KLRD1: variants seen among roughly 807,000 people sequenced by gnomAD.
The protein encoded by KLRD1 is killer cell lectin like receptor D1.
KLRD1 carries 21 observed loss-of-function variants against 22.6 expected under a neutral mutation model. The ratio of observed to expected loss-of-function variants is 0.93; its 90% CI spans 0.66 to 1.34. The LOEUF (loss-of-function observed/expected upper bound fraction) is 1.34. Ranked by LOEUF, KLRD1 falls within the 40% of genes most tolerant of loss-of-function variation. KLRD1 has a pLI of 0.00. For synonymous variants in KLRD1, 59 were observed against 71.1 expected (o/e 0.83, Z 0.85); for missense variants, 183 against 208.6 (o/e 0.88, Z 0.76).
At chr12:10,253,686 C>T (rs1949365596) in intron 1 of KLRD1, among the ~76,000 whole-genome samples, 1 of 152,104 alleles carries the variant, frequency 6.6e-6, no homozygotes, top group African/African-American at 2.4e-5. Flanking sequence ...TTTGTTTCTT[C>T]ATTAGTTTGC....
At chr12:10,251,050 C>T (rs12367621) in intron 1 of KLRD1, among the ~76,000 whole-genome samples, 27,436 of 152,108 alleles carry the variant, frequency 0.18, 3,291 homozygotes, top group Non-Finnish European at 0.27. Flanking sequence ...TATGTTGCCT[C>T]ACTAGCATTA....
rs76070966 is a variant in KLRD1, at chr12:10,260,361, A to T, written c.-101+34128A>T. ...TGTTTGTCTTTTTTTTTCAACAGTT[A>T]TATATGATACACCTAACTTGTCATT... On this transcript the variant is annotated intron_variant, in intron 1 of 5. Coordinates refer to the KLRD1 transcript ENST00000544747. Among the ~76,000 whole-genome samples, 198 of 151,866 alleles carry T rather than the reference A, an allele frequency of 1.3e-3. 5 individuals carry two copies. In the East Asian group the frequency reaches 0.035, roughly 27 times the overall value.
chr12:10,307,942 C>CT lies in KLRD1; in HGVS notation c.-135dup. The CT allele has an allele frequency of 1.3e-6, 1 of 761,348 alleles. No homozygotes were observed. The highest frequency in any genetic ancestry group is 2.3e-6 in the Non-Finnish European group (1 of 442,430). 47.2% of individuals were successfully genotyped at this position (761,348 alleles called of 1,614,324 possible). On this transcript the variant is annotated 5_prime_UTR_variant, in exon 1 of 6. It removes the in-frame stop codon of an upstream open reading frame in the 5' UTR. Transcript: ENST00000336164. ...ATTTAAATACACAATTTTTCATTCT[C>CT]TATTTTTGCTAAATTTCTTCATACT...
At chr12:10,283,215 G>GCACCACAGTGGCTGGTGCCTGC (rs1321745983) in intron 1 of KLRD1, among the ~76,000 whole-genome samples, 16 of 152,166 alleles carry the variant, frequency 1.1e-4, no homozygotes, top group Non-Finnish European at 2.4e-4. Flanking sequence ...ATGGGGACTG[G>GCACCACAGTGGCTGGTGCCTGC]CACCACAGTG....
intron 1 of KLRD1, among the ~76,000 whole-genome samples, chr12:10,261,950 T>C (rs1336190300): frequency 4.6e-5 from 7 of 152,146 alleles, no homozygotes; most frequent in Non-Finnish European, 1.0e-4. Context: ...TCCCTTTAGT[T>C]TCTGTGTCTA....
chr12:10,296,571 G>T (rs1286673364), intron 1 of KLRD1, among the ~76,000 whole-genome samples: 3 of 151,540 alleles, frequency 2.0e-5, no homozygotes, highest in Admixed American at 1.3e-4. Flanking sequence ...CAAAGGAAGT[G>T]CAAGGCAGAT....
At chr12:10,295,060 G>A (rs984164552) in intron 1 of KLRD1, among the ~76,000 whole-genome samples, 1 of 152,162 alleles carries the variant, frequency 6.6e-6, no homozygotes, top group African/African-American at 2.4e-5. Context: ...AGTTACAAGA[G>A]TGCTGCCTCT....
intron 1 of KLRD1, among the ~76,000 whole-genome samples, chr12:10,259,371 C>T (rs1031499666): frequency 1.3e-5 from 2 of 152,120 alleles, no homozygotes; most frequent in Non-Finnish European, 2.9e-5. Flanking sequence ...TTCTGAAAGT[C>T]ATAATATTCA....
intron 1 of KLRD1, among the ~76,000 whole-genome samples, chr12:10,246,918 CTT>C: frequency 3.2e-5 from 1 of 31,262 alleles, no homozygotes; most frequent in Non-Finnish European, 1.4e-4. Context: ...TTTTCTTTTT[CTT>C]TTCTTTTCTT....
intron 1 of KLRD1, among the ~76,000 whole-genome samples, chr12:10,292,493 G>C (rs1178554254): frequency 6.6e-6 from 1 of 152,160 alleles, no homozygotes; most frequent in Non-Finnish European, 1.5e-5. Context: ...CTTCATCAGA[G>C]CTCTTGGGTG....
Position 10,325,847 on chromosome 12 carries a change from T to A in KLRD1, c.*11054T>A, listed in dbSNP as rs1950356483. Reference sequence around the variant, plus strand: ...ATTACCCAGAAAGGGGATTGGTGGATCATATGGTAGTTCTATTTTTAATTT... The same window carrying A: ...ATTACCCAGAAAGGGGATTGGTGGAACATATGGTAGTTCTATTTTTAATTT... On this transcript the variant is annotated 3_prime_UTR_variant, in exon 6 of 6. Transcript: ENST00000336164. The A allele has an allele frequency of 6.6e-6, 1 of 152,224 alleles. No individual in the cohort carries two copies. Among genetic ancestry groups the A allele is most frequent in the African/African-American group, 2.4e-5 (1 of 41,464 alleles). The allele number at this position is 152,224 out of a possible 1,614,324, so 9.4% of individuals were successfully genotyped here. A position where few individuals can be genotyped will look rare whatever the true frequency, so the allele number is the denominator to read the frequency against.
chr12:10,251,985 G>A (rs1949350824), intron 1 of KLRD1, among the ~76,000 whole-genome samples: 1 of 152,108 alleles, frequency 6.6e-6, no homozygotes, highest in Non-Finnish European at 1.5e-5. Context: ...TGGGGCTTGG[G>A]GACCTCTGGT....
At chr12:10,280,336 T>C (rs1430451478) in intron 1 of KLRD1, among the ~76,000 whole-genome samples, 5 of 152,346 alleles carry the variant, frequency 3.3e-5, no homozygotes, top group Non-Finnish European at 7.3e-5. Context: ...AGAATAGAGA[T>C]GGACCGCTTC....
In KLRD1 at chr12:10,316,872, C is replaced by T. The variant is rs939180163; in HGVS notation, c.*2079C>T. On this transcript the variant is annotated 3_prime_UTR_variant, in exon 6 of 6. Transcript: ENST00000336164. ...AGGTGGTTTGCTGCACCTATTGACC[C>T]ATCATCTAGGTTTTAAGTCCCACAT... The T allele has an allele frequency of 2.0e-5, 3 of 152,018 alleles. No individual in the cohort carries two copies. The highest frequency in any genetic ancestry group is 4.4e-5 in the Non-Finnish European group (3 of 68,016). The allele number at this position is 152,018 out of a possible 1,614,324, so 9.4% of individuals were successfully genotyped here.
At chr12:10,269,732 T>C (rs981155362) in intron 1 of KLRD1, among the ~76,000 whole-genome samples, 36 of 152,306 alleles carry the variant, frequency 2.4e-4, no homozygotes, top group African/African-American at 8.4e-4. Flanking sequence ...TTGGGTTGTT[T>C]TTCTTTTTTT....
At chr12:10,265,331 C>T (rs1346475908) in intron 1 of KLRD1, among the ~76,000 whole-genome samples, 1 of 152,104 alleles carries the variant, frequency 6.6e-6, no homozygotes, top group African/African-American at 2.4e-5. Context: ...ACTTCATAAA[C>T]TTATCATGTG....
intron 1 of KLRD1, among the ~76,000 whole-genome samples, chr12:10,269,895 TCA>T (rs1316494811): frequency 1.3e-5 from 2 of 152,196 alleles, no homozygotes; most frequent in Non-Finnish European, 2.9e-5. Context: ...ATATGCAGAT[TCA>T]GTTTGATATC....
chr12:10,288,800 A>G (rs771257804), intron 1 of KLRD1, among the ~76,000 whole-genome samples: 1 of 152,218 alleles, frequency 6.6e-6, no homozygotes, highest in Non-Finnish European at 1.5e-5. Context: ...ATCCTTTATA[A>G]GACTCTTTTT....
At position 10,316,903 on chromosome 12, in the gene KLRD1, A is replaced by T. The variant is rs1246328588; in HGVS notation, c.*2110A>T. Reference sequence around the variant, plus strand: ...CTAGGTTTTAAGTCCCACATGCATTAGGTATTTGTCCTAATGCTCTTCCTC... The same window carrying T: ...CTAGGTTTTAAGTCCCACATGCATTTGGTATTTGTCCTAATGCTCTTCCTC... On this transcript the variant is annotated 3_prime_UTR_variant, in exon 6 of 6. Coordinates refer to ENST00000336164, the MANE Select transcript of KLRD1 (RefSeq NM_002262.5). The T allele has an allele frequency of 6.6e-6, 1 of 152,106 alleles. No homozygotes were observed. The highest frequency in any genetic ancestry group is 1.9e-4 in the East Asian group (1 of 5,200). The allele number at this position is 152,106 out of a possible 1,614,324, so 9.4% of individuals were successfully genotyped here.
Sources: gnomAD v4.1 joint callset for allele counts (sites outside exome capture counted in the v4.1 genomes callset) on GRCh38, gnomAD v4.1.1 for gene constraint, MANE v1.5 for transcripts, NCBI Gene and HGNC (gene_info 2026-07-23, HGNC 2026-07-21) for gene names.